MALRD1: variants seen among roughly 807,000 people sequenced by gnomAD.
The protein encoded by MALRD1 is MAM and LDL receptor class A domain containing 1, also known as MAM and LDL-receptor class A domain-containing protein 1.
Under a neutral mutation model 242.1 loss-of-function variants are expected in MALRD1, and 247 were observed. The ratio of observed to expected loss-of-function variants is 1.02; its 90% confidence interval spans 0.92 to 1.13. The LOEUF is 1.13. Among genes scored for constraint, MALRD1 ranks in the 50% most tolerant of loss-of-function variants. The pLI, the probability that MALRD1 is intolerant of heterozygous loss-of-function variation, is 0.00. For missense variants in MALRD1, 2,989 were observed against 2,533.1 expected (o/e 1.18, Z -3.86); for synonymous variants, 995 against 866.6 (o/e 1.15, Z -2.60).
intron 36 of MALRD1, among the ~76,000 whole-genome samples, chr10:19,660,625 G>T (rs1435716184): frequency 6.6e-6 from 1 of 152,134 alleles, no homozygotes; most frequent in Non-Finnish European, 1.5e-5. Flanking sequence ...ACTTGCTTTT[G>T]AGAGTAAAGA....
chr10:19,584,326 A>G (rs1837283219), intron 33 of MALRD1, among the ~76,000 whole-genome samples: 1 of 151,982 alleles, frequency 6.6e-6, no homozygotes, highest in African/African-American at 2.4e-5. Context: ...TAGGATGTCA[A>G]TTTTGGATCT....
chr10:19,157,133 G>A (rs1050624867), intron 12 of MALRD1, among the ~76,000 whole-genome samples: 11 of 142,092 alleles, frequency 7.7e-5, no homozygotes, highest in Non-Finnish European at 1.5e-4. Context: ...AGTTTAGGAA[G>A]TAGGAGTAGA....
intron 36 of MALRD1, among the ~76,000 whole-genome samples, chr10:19,661,383 C>T (rs575319355): frequency 6.6e-6 from 1 of 152,124 alleles, no homozygotes; most frequent in African/African-American, 2.4e-5. Flanking sequence ...TTGGAACCAA[C>T]CCAAATGTCC....
intron 18 of MALRD1, among the ~76,000 whole-genome samples, chr10:19,237,875 TTA>T (rs1400140894): frequency 7.9e-6 from 1 of 127,178 alleles, no homozygotes; most frequent in Non-Finnish European, 1.6e-5. Context: ...ATATAGAATT[TTA>T]TATAGTTATA....
At chr10:19,166,935 TTG>T in intron 13 of MALRD1, among the ~76,000 whole-genome samples, 2 of 152,310 alleles carry the variant, frequency 1.3e-5, no homozygotes, top group Middle Eastern at 6.8e-3. Context: ...TGTGTAAATA[TTG>T]TCTTTGTGCA....
At chr10:19,312,440 G>C (rs1431970861) in intron 21 of MALRD1, among the ~76,000 whole-genome samples, 1 of 149,796 alleles carries the variant, frequency 6.7e-6, no homozygotes, top group African/African-American at 2.4e-5. Flanking sequence ...GAGAGAGAGA[G>C]AGTTTGTGTA....
At chr10:19,375,056 A>G (rs1375171626) in intron 26 of MALRD1, among the ~76,000 whole-genome samples, 1 of 152,130 alleles carries the variant, frequency 6.6e-6, no homozygotes, top group Non-Finnish European at 1.5e-5. Flanking sequence ...CTTTTTCTAG[A>G]TATAGACTGA....
intron 33 of MALRD1, among the ~76,000 whole-genome samples, chr10:19,587,721 C>T (rs1312615628): frequency 6.6e-6 from 1 of 152,038 alleles, no homozygotes; most frequent in Non-Finnish European, 1.5e-5. Flanking sequence ...CTGCATAGCA[C>T]AAAGTGAAGT....
intron 18 of MALRD1, among the ~76,000 whole-genome samples, chr10:19,216,621 C>T (rs923564447): frequency 6.6e-6 from 1 of 152,016 alleles, no homozygotes; most frequent in South Asian, 2.1e-4. Context: ...TATTTATTTT[C>T]ATCCCCATGT....
At chr10:19,086,338 TATGTCATCATAGACATCATCATC>T (rs1158522502) in intron 2 of MALRD1, among the ~76,000 whole-genome samples, 1 of 152,096 alleles carries the variant, frequency 6.6e-6, no homozygotes, top group African/African-American at 2.4e-5. Flanking sequence ...CTTAGGTAGC[TATGTCATCATAGACATCATCATC>T]ATATTTCTCA....
intron 19 of MALRD1, among the ~76,000 whole-genome samples, chr10:19,275,497 T>A (rs570204095): frequency 4.6e-5 from 7 of 152,078 alleles, no homozygotes; most frequent in African/African-American, 1.7e-4. Context: ...TGAAACCCCG[T>A]CTCTACTAAA....
chr10:19,331,677 T>G, intron 24 of MALRD1, 95 bp downstream of exon 24: 1 of 950,616 alleles, frequency 1.1e-6, no homozygotes, highest in Non-Finnish European at 1.6e-6. Flanking sequence ...AGAGTGTGTG[T>G]ATCTCAACAC....
chr10:19,468,018 T>C (rs1251670626), intron 29 of MALRD1, among the ~76,000 whole-genome samples: 1 of 152,128 alleles, frequency 6.6e-6, no homozygotes, highest in Non-Finnish European at 1.5e-5. Context: ...GGTCTCAAAG[T>C]CCTGACCTCA....
chr10:19,334,940 C>G (rs1243560818), intron 24 of MALRD1, among the ~76,000 whole-genome samples: 2 of 151,994 alleles, frequency 1.3e-5, no homozygotes, highest in African/African-American at 4.8e-5. Flanking sequence ...CATTTTATTT[C>G]TGGCTAAATA....
intron 29 of MALRD1, among the ~76,000 whole-genome samples, chr10:19,458,778 G>C (rs1835789640): frequency 6.6e-6 from 1 of 152,028 alleles, no homozygotes; most frequent in South Asian, 2.1e-4. Flanking sequence ...GGTCTCCCTT[G>C]CATGTTAAAA....
chr10:19,235,676 T>C (rs1462802553), intron 18 of MALRD1, among the ~76,000 whole-genome samples: 19 of 149,058 alleles, frequency 1.3e-4, no homozygotes, highest in Admixed American at 1.1e-3. Flanking sequence ...TAGTACAGAA[T>C]GAATGGAAAG....
intron 13 of MALRD1, among the ~76,000 whole-genome samples, chr10:19,172,768 G>C (rs913617928): frequency 6.6e-6 from 1 of 150,704 alleles, no homozygotes; most frequent in African/African-American, 2.4e-5. Flanking sequence ...TATTTTAATT[G>C]ACATCAATGC....
At chr10:19,128,195 T>G (rs1837341629) in intron 7 of MALRD1, 26 bp from the exon 8 acceptor site, 1 of 1,229,078 alleles carries the variant, frequency 8.1e-7, no homozygotes. Context: ...TTTCCTAAAT[T>G]GCTTCTTTTT....
At chr10:19,290,953 G>T (rs761932495) in intron 21 of MALRD1, among the ~76,000 whole-genome samples, 1 of 152,122 alleles carries the variant, frequency 6.6e-6, no homozygotes, top group Non-Finnish European at 1.5e-5. Context: ...AGCCCAGGCA[G>T]TGTTTCTATA....
Sources: gnomAD v4.1 joint callset for allele counts (sites outside exome capture counted in the v4.1 genomes callset) on GRCh38, gnomAD v4.1.1 for gene constraint, MANE v1.5 for transcripts, NCBI Gene and HGNC (gene_info 2026-07-23, HGNC 2026-07-21) for gene names.